KIF26B: variants seen among roughly 807,000 people sequenced by gnomAD.
The protein encoded by KIF26B is kinesin-like protein KIF26B.
A neutral mutation model predicts 151.2 loss-of-function variants in KIF26B; 63 were observed. That is an observed-to-expected ratio of 0.42 (90% CI 0.34 to 0.51). KIF26B has a LOEUF of 0.51. Among genes scored for constraint, KIF26B ranks in the 20% least tolerant of loss-of-function variants. The pLI is 0.07. For missense variants in KIF26B, 2,813 were observed against 2,913.6 expected (o/e 0.97, Z 0.79); for synonymous variants, 1,357 against 1,262.1 (o/e 1.08, Z -1.59).
chr1:245,442,565 G>A (rs760563263), intron 4 of KIF26B, among the ~76,000 whole-genome samples: 6 of 152,152 alleles, frequency 3.9e-5, no homozygotes, highest in South Asian at 4.1e-4. Context: ...GGCAAAATCC[G>A]GTGGACAGCG....
Position 245,358,511 on chromosome 1 carries a change from C to A in KIF26B, c.466-8323C>A, listed in dbSNP as rs1672746943. 6.6e-6 allele frequency among the ~76,000 whole-genome samples: 1 copy of A among 151,614 alleles called. No individual in the cohort carries two copies. Among genetic ancestry groups the A allele is most frequent in the African/African-American group, 2.4e-5 (1 of 40,922 alleles). On this transcript the variant is annotated intron_variant, in intron 2 of 14. Coordinates refer to ENST00000407071, the MANE Select transcript of KIF26B (RefSeq NM_018012.4). The surrounding 1 kb of genome is among the most constrained non-coding windows in gnomAD (Gnocchi z 4.1). ...CTCCAGCCTGGGCTACAGAGTGAGA[C>A]TCCGTCTCAAAACAAAACAAAACAA...
chr1:245,629,122 C>T (rs754318695), intron 9 of KIF26B, among the ~76,000 whole-genome samples: 10 of 152,096 alleles, frequency 6.6e-5, no homozygotes, highest in Non-Finnish European at 1.2e-4. Flanking sequence ...GGAAAAACAT[C>T]TCATCCTCAT....
chr1:245,505,136 C>G (rs1278792566), intron 4 of KIF26B, among the ~76,000 whole-genome samples: 3 of 151,750 alleles, frequency 2.0e-5, no homozygotes, highest in Non-Finnish European at 2.9e-5. Context: ...CGGGGTTTCA[C>G]CATGTTGGCC....
At position 245,489,712 on chromosome 1, in the gene KIF26B, G is replaced by C. The variant is rs77018887; in HGVS notation, c.1167-51055G>C. Among the ~76,000 whole-genome samples, 176 of 152,304 alleles carry C rather than the reference G, an allele frequency of 1.2e-3. 2 individuals are homozygous for C. The highest frequency in any genetic ancestry group is 3.7e-3 in the African/African-American group (153 of 41,572). ...GCAGAAGTAAACTTGCTGGGTAGAAGGCGTCATGGTATCATGTGATGTGGC... is the reference window on the plus strand; with the variant it reads ...GCAGAAGTAAACTTGCTGGGTAGAACGCGTCATGGTATCATGTGATGTGGC... On this transcript the variant is annotated intron_variant, in intron 4 of 14. Coordinates refer to ENST00000407071, the MANE Select transcript of KIF26B (RefSeq NM_018012.4).
intron 4 of KIF26B, among the ~76,000 whole-genome samples, chr1:245,521,121 A>G (rs1452498921): frequency 1.3e-5 from 2 of 152,150 alleles, no homozygotes; most frequent in Non-Finnish European, 2.9e-5. Context: ...GCGGATCACG[A>G]GGTCAGGAGA....
chr1:245,173,494 G>A (rs4658714), intron 2 of KIF26B, among the ~76,000 whole-genome samples: 124,151 of 152,064 alleles, frequency 0.82, 50,870 homozygotes, highest in African/African-American at 0.87. Context: ...GTACAATCTG[G>A]CCACCAGAGA....
Position 245,685,846 on chromosome 1 carries a change from G to A in KIF26B, c.2863G>A (p.Gly955Arg). ...FPFEELPAQFGPEQASRGPRL... is the reference protein window; with the variant it reads ...FPFEELPAQFRPEQASRGPRL... ...TTTCGAAGAACTGCCTGCTCAGTTT[G>A]GGCCAGAGCAGGCAAGCAGAGGCCC... The change falls in exon 12 of 15, where the codon GGG becomes AGG. Residue 955 changes from glycine (G) to arginine (R), a missense_variant. Physicochemically the swap from Gly to Arg is moderately radical, Grantham distance 125. Coordinates refer to ENST00000407071, the MANE Select transcript of KIF26B (RefSeq NM_018012.4). 1 of 1,612,712 alleles carries A rather than the reference G, an allele frequency of 6.2e-7. No individual in the cohort carries two copies. The highest frequency in any genetic ancestry group is 1.6e-4 in the Middle Eastern group (1 of 6,062).
At chr1:245,492,840 G>A (rs1660435769) in intron 4 of KIF26B, among the ~76,000 whole-genome samples, 1 of 152,152 alleles carries the variant, frequency 6.6e-6, no homozygotes, top group Admixed American at 6.5e-5. Flanking sequence ...GAGTGCAGTG[G>A]CGTGATCTTG....
At chr1:245,658,465 CA>C (rs2044099107) in intron 10 of KIF26B, among the ~76,000 whole-genome samples, 1 of 152,178 alleles carries the variant, frequency 6.6e-6, no homozygotes, top group African/African-American at 2.4e-5. Context: ...GTGACACCAA[CA>C]AGGCTCGCTG....
At chr1:245,342,903 T>A (rs147641615) in intron 2 of KIF26B, among the ~76,000 whole-genome samples, 417 of 152,090 alleles carry the variant, frequency 2.7e-3, no homozygotes, top group African/African-American at 9.6e-3. Context: ...CTGGCCAACA[T>A]GGTGAAACCC....
At chr1:245,640,141 C>CTCTCTCTCTCTCTCTCTCTCTCTCTCTA (rs2043875650) in intron 9 of KIF26B, among the ~76,000 whole-genome samples, 1 of 31,710 alleles carries the variant, frequency 3.2e-5, no homozygotes, top group Non-Finnish European at 6.4e-5. Flanking sequence ...CTCTCTCTCT[C>CTCTCTCTCTCTCTCTCTCTCTCTCTCTA]TCTATATATA....
chr1:245,391,419 G>A (rs1673695925), intron 3 of KIF26B, among the ~76,000 whole-genome samples: 1 of 152,028 alleles, frequency 6.6e-6, no homozygotes, highest in Admixed American at 6.6e-5. Context: ...TATGAGGCTG[G>A]GTTTTCTTTA....
chr1:245,620,739 T>C (rs1038905439), intron 9 of KIF26B, among the ~76,000 whole-genome samples: 11 of 152,188 alleles, frequency 7.2e-5, no homozygotes, highest in African/African-American at 2.7e-4. Flanking sequence ...TTTCAAAGCA[T>C]TGAGTTGAGT....
At chr1:245,423,544 C>T (rs1658547215) in intron 4 of KIF26B, among the ~76,000 whole-genome samples, 1 of 151,680 alleles carries the variant, frequency 6.6e-6, no homozygotes, top group South Asian at 2.1e-4. Flanking sequence ...AACTACTAGG[C>T]CCTGTAATTT....
chr1:245,357,381 G>C (rs1672722442), intron 2 of KIF26B, among the ~76,000 whole-genome samples: 1 of 152,190 alleles, frequency 6.6e-6, no homozygotes, highest in Admixed American at 6.5e-5. Context: ...CTTAAGTAAG[G>C]AAATGTTTGC....
chr1:245,306,385 G>A (rs896225842), intron 2 of KIF26B, among the ~76,000 whole-genome samples: 1 of 152,186 alleles, frequency 6.6e-6, no homozygotes. Flanking sequence ...GAATTGGGAC[G>A]TTGCAGCTAA....
At chr1:245,302,988 C>CAAAAAAAAAAA (rs74163037) in intron 2 of KIF26B, among the ~76,000 whole-genome samples, 87 of 35,722 alleles carry the variant, frequency 2.4e-3, no homozygotes, top group Middle Eastern at 0.031. Flanking sequence ...GACTCTGTCT[C>CAAAAAAAAAAA]AAAAAAAAAA....
chr1:245,443,434 C>T (rs1275462816), intron 4 of KIF26B, among the ~76,000 whole-genome samples: 4 of 82,192 alleles, frequency 4.9e-5, no homozygotes, highest in Admixed American at 1.2e-4. Flanking sequence ...GTTCACCCTG[C>T]GGTCATCTCC....
At chr1:245,395,970 A>G (rs1263724104) in intron 3 of KIF26B, among the ~76,000 whole-genome samples, 2 of 152,174 alleles carry the variant, frequency 1.3e-5, no homozygotes, top group Non-Finnish European at 2.9e-5. Context: ...ATGGTGTTGT[A>G]AAAAATTCAC....
Sources: gnomAD v4.1 joint callset for allele counts (sites outside exome capture counted in the v4.1 genomes callset) on GRCh38, gnomAD v4.1.1 for gene constraint, Gnocchi (gnomAD v3.1) non-coding constraint, MANE v1.5 for transcripts, NCBI Gene and HGNC (gene_info 2026-07-23, HGNC 2026-07-21) for gene names.